The following TRPM3 variants were observed in gnomAD, a reference collection of about 807,000 sequenced individuals.
The protein encoded by TRPM3 is long transient receptor potential channel 3.
In TRPM3, 77 loss-of-function variants were observed where a neutral mutation model predicts 181.2. The observed-to-expected ratio is 0.42, with a 90% CI of 0.35 to 0.51. The LOEUF is 0.51. TRPM3 is among the 20% of genes least tolerant of loss of function. The pLI is 0.01. For synonymous variants in TRPM3, 745 were observed against 796.4 expected, an observed-to-expected ratio of 0.94 and a Z score of 1.09; for missense variants, 1,759 against 2,196.7, an observed-to-expected ratio of 0.80 and a Z score of 3.98.
intron 1 of TRPM3, among the ~76,000 whole-genome samples, chr9:71,420,813 A>AAGAGAAAG: frequency 9.1e-5 from 1 of 10,942 alleles, no homozygotes; most frequent in South Asian, 7.5e-3. Context: ...GAGAGAAAGA[A>AAGAGAAAG]AGAGAGAAAG....
At chr9:70,781,094 G>GAA (rs1470463734) in intron 7 of TRPM3, among the ~76,000 whole-genome samples, 2 of 152,012 alleles carry the variant, frequency 1.3e-5, no homozygotes, top group East Asian at 3.9e-4. Flanking sequence ...GGGAGGCCAG[G>GAA]GTGGGAGGAT....
At chr9:71,336,017 A>C (rs569420165) in intron 1 of TRPM3, among the ~76,000 whole-genome samples, 119 of 152,222 alleles carry the variant, frequency 7.8e-4, no homozygotes, top group African/African-American at 2.8e-3. Flanking sequence ...CATTCAAAAC[A>C]AACTATTAGC....
At chr9:70,915,746 T>G (rs114108251) in intron 1 of TRPM3, among the ~76,000 whole-genome samples, 2 of 150,916 alleles carry the variant, frequency 1.3e-5, no homozygotes, top group African/African-American at 4.9e-5. Flanking sequence ...CTAGAAAATA[T>G]CCTCAAAAAG....
In TRPM3 at chr9:70,701,409, C is replaced by T. The variant is rs75900132; in HGVS notation, c.1273-19831G>A. On this transcript the variant is annotated intron_variant, in intron 8 of 25. Transcript: ENST00000677713. The stretch of plus-strand genomic sequence containing the variant: ...TCACCACTCTCACTGACTGTGCCTC[C>T]CTGATTTCTAATTGCATTGGGCAGG... 3.3e-3 allele frequency among the ~76,000 whole-genome samples: 508 copies of T among 152,210 alleles called. 22 individuals carry two copies. The East Asian group carries it at 0.086, about 26-fold the overall frequency.
intron 1 of TRPM3, among the ~76,000 whole-genome samples, chr9:71,321,956 T>C (rs1225714279): frequency 2.0e-5 from 3 of 151,654 alleles, no homozygotes; most frequent in African/African-American, 4.8e-5. Flanking sequence ...AAGGAAAAAA[T>C]GAGGTAGGAT....
intron 1 of TRPM3, among the ~76,000 whole-genome samples, chr9:71,168,887 AAAG>A (rs1400513472): frequency 6.6e-6 from 1 of 152,130 alleles, no homozygotes. Context: ...CACTGATACA[AAAG>A]AAGAAGCTAG....
chr9:71,129,375 A>G (rs2074237728), intron 1 of TRPM3, among the ~76,000 whole-genome samples: 1 of 152,218 alleles, frequency 6.6e-6, no homozygotes, highest in African/African-American at 2.4e-5. Flanking sequence ...CAATTCATTT[A>G]ACTTTTATGA....
At chr9:71,149,684 A>G (rs2075622350) in intron 1 of TRPM3, among the ~76,000 whole-genome samples, 1 of 152,180 alleles carries the variant, frequency 6.6e-6, no homozygotes, top group Non-Finnish European at 1.5e-5. Flanking sequence ...ATATTAATAA[A>G]CAAAAAAGCC....
chr9:70,915,568 G>A (rs1404917852), intron 1 of TRPM3, among the ~76,000 whole-genome samples: 1 of 151,686 alleles, frequency 6.6e-6, no homozygotes, highest in Non-Finnish European at 1.5e-5. Context: ...GCCTCCCACA[G>A]TGCTGGGATT....
At chr9:70,747,029 G>T (rs539315956) in intron 8 of TRPM3, among the ~76,000 whole-genome samples, 37 of 152,238 alleles carry the variant, frequency 2.4e-4, no homozygotes, top group Non-Finnish European at 3.7e-4. Context: ...TACTGAATAT[G>T]TATCAGCCCC....
At chr9:70,758,103 C>G (rs1240175713) in intron 8 of TRPM3, among the ~76,000 whole-genome samples, 1 of 152,170 alleles carries the variant, frequency 6.6e-6, no homozygotes, top group Non-Finnish European at 1.5e-5. Context: ...CCCAAAATCT[C>G]CTTAAGCTGA....
At position 70,756,951 on chromosome 9, in the gene TRPM3, T is replaced by A. The variant is rs201707974; in HGVS notation, c.1272+4650A>T. Among the ~76,000 whole-genome samples, 7 of 151,398 alleles carry A rather than the reference T, an allele frequency of 4.6e-5. No homozygotes were observed. The East Asian group carries it at 1.4e-3, about 30-fold the overall frequency. ...ACCAGAGAAGCAAGAGCAAACAAAT[T>A]CAAAAGCTAGCAGAAGACAAGAAAT... On this transcript the variant is annotated intron_variant, in intron 8 of 25. Transcript: ENST00000677713.
At chr9:70,558,585 T>C (rs2048307718) in intron 22 of TRPM3, among the ~76,000 whole-genome samples, 1 of 152,180 alleles carries the variant, frequency 6.6e-6, no homozygotes, top group South Asian at 2.1e-4. Flanking sequence ...AAGCTCGAAT[T>C]TTGTCCAAGT....
chr9:71,399,521 C>CTTTTTTTTTTTTTTTTTTTT lies in TRPM3; in HGVS notation c.183+47131_183+47132insAAAAAAAAAAAAAAAAAAAA, dbSNP rs1415739241. Among the ~76,000 whole-genome samples, 10 of 107,520 alleles carry CTTTTTTTTTTTTTTTTTTTT rather than the reference C, an allele frequency of 9.3e-5. 2 individuals carry two copies. The highest frequency in any genetic ancestry group is 1.6e-4 in the Non-Finnish European group (8 of 49,506). The allele number at this position is 107,520 out of a possible 152,430, so 70.5% of individuals were successfully genotyped here. On this transcript the variant is annotated intron_variant, in intron 1 of 24. Coordinates refer to the TRPM3 transcript ENST00000357533. ...ATATTCATTTTACTCCTTATATTTTCTTTTGTTTTTTTTTTTTTTTTTTTT... is the reference window on the plus strand; with the variant it reads ...ATATTCATTTTACTCCTTATATTTTCTTTTTTTTTTTTTTTTTTTTTTTTGTTTTTTTTTTTTTTTTTTTT...
At chr9:71,439,514 G>C (rs2094102656) in intron 1 of TRPM3, among the ~76,000 whole-genome samples, 1 of 152,142 alleles carries the variant, frequency 6.6e-6, no homozygotes, top group African/African-American at 2.4e-5. Flanking sequence ...CGAATGACCT[G>C]AACCAGGCTG....
intron 1 of TRPM3, among the ~76,000 whole-genome samples, chr9:70,915,520 T>C (rs1446891415): frequency 2.0e-5 from 3 of 151,362 alleles, no homozygotes; most frequent in Non-Finnish European, 4.4e-5. Flanking sequence ...TTAGCCAGGA[T>C]GGTCTTGATC....
At chr9:71,301,161 A>C (rs1380319219) in intron 1 of TRPM3, among the ~76,000 whole-genome samples, 2 of 152,142 alleles carry the variant, frequency 1.3e-5, no homozygotes, top group East Asian at 3.8e-4. Flanking sequence ...AAAAATTTTT[A>C]ATTAGGATTG....
At chr9:71,129,707 C>T (rs1418445172) in intron 1 of TRPM3, among the ~76,000 whole-genome samples, 2 of 152,044 alleles carry the variant, frequency 1.3e-5, no homozygotes, top group Non-Finnish European at 2.9e-5. Flanking sequence ...AGGGTTCCTG[C>T]GGCTTCCCAA....
At chr9:70,793,851 T>C (rs1467041948) in intron 6 of TRPM3, among the ~76,000 whole-genome samples, 2 of 152,286 alleles carry the variant, frequency 1.3e-5, no homozygotes, top group East Asian at 1.9e-4. Context: ...ATAAATTACA[T>C]GAAATATTCA....
Sources: allele counts gnomAD v4.1 joint callset (sites outside exome capture counted in the v4.1 genomes callset), GRCh38; gene constraint gnomAD v4.1.1; transcripts MANE v1.5; gene names NCBI Gene and HGNC (gene_info 2026-07-23, HGNC 2026-07-21).